The following SORBS2 variants were observed in gnomAD, a reference collection of about 807,000 sequenced individuals.
The protein encoded by SORBS2 is sorbin and SH3 domain containing 2.
In SORBS2, 46 loss-of-function variants were observed where a neutral mutation model predicts 97.7. The observed-to-expected ratio is 0.47, with a 90% CI of 0.37 to 0.60. SORBS2 has a LOEUF of 0.60. Among genes scored for constraint, SORBS2 ranks in the 20% least tolerant of loss-of-function variants. SORBS2 has a pLI of 0.00. For missense variants in SORBS2, 1,316 were observed against 1,282.3 expected, an observed-to-expected ratio of 1.03 and a Z score of -0.40; for synonymous variants, 476 against 473.4, an observed-to-expected ratio of 1.01 and a Z score of -0.07.
intron 1 of SORBS2, among the ~76,000 whole-genome samples, chr4:185,866,894 A>T (rs1381997065): frequency 6.7e-6 from 1 of 148,358 alleles, no homozygotes; most frequent in Admixed American, 6.8e-5. Flanking sequence ...GAACAAGGGA[A>T]TAAAGGCAGG....
In SORBS2 at chr4:185,738,262, G is replaced by A. The variant is rs149916859; in HGVS notation, c.-198+36965C>T. Among the ~76,000 whole-genome samples, 470 of 152,310 alleles carry A rather than the reference G, an allele frequency of 3.1e-3. 4 individuals are homozygous for A. The highest frequency in any genetic ancestry group is 5.9e-3 in the Non-Finnish European group (403 of 68,030). On this transcript the variant is annotated intron_variant, in intron 2 of 20. Coordinates refer to the SORBS2 transcript ENST00000284776. ...TCAAATATTTTCTGAGAAATTGGCT[G>A]CTTTCGGGATTTTCTTAGAATGCCA...
intron 2 of SORBS2, among the ~76,000 whole-genome samples, chr4:185,725,007 C>T (rs2098545830): frequency 6.9e-6 from 1 of 145,314 alleles, no homozygotes; most frequent in African/African-American, 2.5e-5. Flanking sequence ...GCATATCTTT[C>T]ATGCTCAGTG....
chr4:185,622,843 G>T, intron 7 of SORBS2, 71 bp downstream of exon 19: 1 of 1,448,226 alleles, frequency 6.9e-7, no homozygotes. Context: ...ATGAGATGTT[G>T]GAATGGAAAA....
chr4:185,679,098 A>T (rs964941443), intron 2 of SORBS2, among the ~76,000 whole-genome samples: 1 of 152,146 alleles, frequency 6.6e-6, no homozygotes, highest in Admixed American at 6.5e-5. Flanking sequence ...TAATCTTATT[A>T]TGGCAAAGAT....
Position 185,846,675 on chromosome 4 carries a change from C to T in SORBS2, c.-337-71309G>A, listed in dbSNP as rs144266879. Among the ~76,000 whole-genome samples, 129 of 152,238 alleles carry T rather than the reference C, an allele frequency of 8.5e-4. 1 individual carries two copies. Among genetic ancestry groups the T allele is most frequent in the Non-Finnish European group, 1.0e-3 (71 of 68,010 alleles). On this transcript the variant is annotated intron_variant, in intron 1 of 20. Coordinates refer to the SORBS2 transcript ENST00000284776. ...GCCTGAAGCGAGACTGAGATAATAG[C>T]GTACATTTATTCAATGAGGTAGAAA...
At chr4:185,746,873 T>G (rs2098764443) in intron 2 of SORBS2, among the ~76,000 whole-genome samples, 2 of 152,202 alleles carry the variant, frequency 1.3e-5, no homozygotes, top group African/African-American at 4.8e-5. Flanking sequence ...AATTCATGTA[T>G]CGAAGGACTG....
At chr4:185,878,009 A>G (rs2099234645) in intron 1 of SORBS2, among the ~76,000 whole-genome samples, 1 of 152,160 alleles carries the variant, frequency 6.6e-6, no homozygotes, top group African/African-American at 2.4e-5. Flanking sequence ...AAAATCAGGA[A>G]CTAGGCAGAA....
chr4:185,691,410 C>T (rs2098090615), intron 2 of SORBS2, among the ~76,000 whole-genome samples: 1 of 152,172 alleles, frequency 6.6e-6, no homozygotes, highest in African/African-American at 2.4e-5. Flanking sequence ...AATATTTATA[C>T]AAATGGTTTT....
At chr4:185,729,994 C>A (rs969872197) in intron 2 of SORBS2, among the ~76,000 whole-genome samples, 1 of 151,954 alleles carries the variant, frequency 6.6e-6, no homozygotes, top group African/African-American at 2.4e-5. Context: ...GCTCTATCGC[C>A]CAGACTGGAG....
rs753216939 is a variant in SORBS2, at chr4:185,624,304, C to T, written c.825G>A (p.Thr275=). The change falls in exon 7 of 15, where the codon ACG becomes ACA. Residue 275 remains threonine (T), a synonymous_variant. Coordinates refer to ENST00000418609, the Ensembl canonical transcript of SORBS2. Reference sequence around the variant, plus strand: ...TGATTTTGGGAGAGACGGTTTCTTCCGTGCTGCTCCAGATTTCTGCGTTTT... The same window carrying T: ...TGATTTTGGGAGAGACGGTTTCTTCTGTGCTGCTCCAGATTTCTGCGTTTT... 1.1e-5 allele frequency: 17 copies of T among 1,614,022 alleles called. No individual in the cohort carries two copies. In the East Asian group the frequency reaches 2.0e-4, roughly 19 times the overall value.
chr4:185,784,114 G>A (rs1236410698), intron 1 of SORBS2, among the ~76,000 whole-genome samples: 1 of 151,996 alleles, frequency 6.6e-6, no homozygotes, highest in African/African-American at 2.4e-5. Flanking sequence ...CTAACCTCCC[G>A]AGAAGAGGGC....
chr4:185,652,919 T>G (rs1349417079), intron 1 of SORBS2, among the ~76,000 whole-genome samples, 191 bp from the exon 10 acceptor site: 1 of 152,252 alleles, frequency 6.6e-6, no homozygotes, highest in African/African-American at 2.4e-5. Context: ...TGTAAACATA[T>G]GGCCTTGTGT....
chr4:185,732,123 C>A (rs2098645488), intron 2 of SORBS2, among the ~76,000 whole-genome samples: 1 of 151,858 alleles, frequency 6.6e-6, no homozygotes, highest in African/African-American at 2.4e-5. Flanking sequence ...GAAAGTAATG[C>A]ATCAGTAGAA....
chr4:185,850,167 C>T (rs866709347), intron 1 of SORBS2, among the ~76,000 whole-genome samples: 1 of 152,100 alleles, frequency 6.6e-6, no homozygotes, highest in South Asian at 2.1e-4. Flanking sequence ...CTCATCCTGC[C>T]CCTCGGGCAT....
intron 1 of SORBS2, among the ~76,000 whole-genome samples, chr4:185,813,928 T>C (rs550177322): frequency 4.6e-5 from 7 of 152,274 alleles, no homozygotes; most frequent in Non-Finnish European, 7.4e-5. Flanking sequence ...GCCAATCTGG[T>C]CCATGTCTTC....
At position 185,607,820 on chromosome 4, in the gene SORBS2, G is replaced by A. The variant is rs977614254; in HGVS notation, c.2796+3960C>T. ...AACGATTTTCCTGCTTCATCCTCCC[G>A]AGTAGCTGGGACTACAGGCGCATGT... On this transcript the variant is annotated intron_variant, in intron 12 of 14. Coordinates refer to ENST00000418609, the Ensembl canonical transcript of SORBS2. This position sits in a 1 kb window ranked among gnomAD's most constrained non-coding sequence, Gnocchi z 5.2. 9.2e-5 allele frequency among the ~76,000 whole-genome samples: 14 copies of A among 151,760 alleles called. No individual in the cohort carries two copies. Among genetic ancestry groups the A allele is most frequent in the Non-Finnish European group, 1.8e-4 (12 of 67,976 alleles).
chr4:185,692,800 G>C (rs2098119575), intron 2 of SORBS2, among the ~76,000 whole-genome samples: 1 of 104,360 alleles, frequency 9.6e-6, no homozygotes, highest in Admixed American at 1.0e-4. Flanking sequence ...ACATGTATAT[G>C]TGCACACATA....
At chr4:185,731,866 C>CTCTCTCTCTCTA (rs1286500642) in intron 2 of SORBS2, among the ~76,000 whole-genome samples, 3 of 24,690 alleles carry the variant, frequency 1.2e-4, no homozygotes, top group African/African-American at 3.5e-4. Context: ...CTCTCTCTCT[C>CTCTCTCTCTCTA]TATATATATA....
At chr4:185,601,399 C>CCAT (rs1554060040) in intron 12 of SORBS2, among the ~76,000 whole-genome samples, 1 of 152,110 alleles carries the variant, frequency 6.6e-6, no homozygotes, top group African/African-American at 2.4e-5. Flanking sequence ...GTGTAATCTC[C>CCAT]CATCTTTTCT....
Sources: gnomAD v4.1 joint callset for allele counts (sites outside exome capture counted in the v4.1 genomes callset) on GRCh38, gnomAD v4.1.1 for gene constraint, Gnocchi (gnomAD v3.1) non-coding constraint, MANE v1.5 for transcripts, NCBI Gene and HGNC (gene_info 2026-07-23, HGNC 2026-07-21) for gene names.